EMB: variants seen among roughly 807,000 people sequenced by gnomAD.
The protein encoded by EMB is embigin homolog.
EMB carries 31 observed loss-of-function variants against 41.4 expected under a neutral mutation model. The ratio of observed to expected loss-of-function variants is 0.75; its 90% confidence interval spans 0.56 to 1.01. EMB has a LOEUF of 1.01. Among genes scored for constraint, EMB ranks in the 50% least tolerant of loss-of-function variants. EMB has a pLI of 0.00. For synonymous variants in EMB, 137 were observed against 140.4 expected (o/e 0.98, Z 0.17); for missense variants, 379 against 388.3 (o/e 0.98, Z 0.20).
At chr5:50,438,355 T>C (rs1269165185) in intron 1 of EMB, among the ~76,000 whole-genome samples, 2 of 152,182 alleles carry the variant, frequency 1.3e-5, no homozygotes, top group Admixed American at 6.5e-5. Flanking sequence ...AGAGTGAGAA[T>C]TCCCCAGGAG....
chr5:50,438,052 T>G (rs1745834420), intron 1 of EMB, among the ~76,000 whole-genome samples: 1 of 152,144 alleles, frequency 6.6e-6, no homozygotes, highest in Non-Finnish European at 1.5e-5. Context: ...AATCAGACAT[T>G]TAGATGCATA....
chr5:50,417,404 C>T (rs570182146), intron 2 of EMB, among the ~76,000 whole-genome samples: 99 of 152,282 alleles, frequency 6.5e-4, no homozygotes, highest in Admixed American at 9.8e-4. Context: ...TCCCTTGATT[C>T]TTGTAATTTC....
intron 1 of EMB, among the ~76,000 whole-genome samples, chr5:50,435,720 G>A (rs1368845016): frequency 1.3e-5 from 2 of 152,082 alleles, no homozygotes; most frequent in South Asian, 2.1e-4. Flanking sequence ...AGCATATTCT[G>A]AAGAGTTACT....
At chr5:50,404,280 C>G (rs949292937) in intron 5 of EMB, among the ~76,000 whole-genome samples, 1 of 151,824 alleles carries the variant, frequency 6.6e-6, no homozygotes, top group Non-Finnish European at 1.5e-5. Flanking sequence ...GTATATTATT[C>G]GTGCAAAAAA....
chr5:50,413,630 C>T (rs1483792737), intron 2 of EMB, among the ~76,000 whole-genome samples: 2 of 149,542 alleles, frequency 1.3e-5, no homozygotes, highest in South Asian at 4.2e-4. Flanking sequence ...GGCTGGAGTA[C>T]AATGGTGTCG....
At chr5:50,412,325 T>G (rs1745354576) in intron 2 of EMB, among the ~76,000 whole-genome samples, 1 of 151,744 alleles carries the variant, frequency 6.6e-6, no homozygotes, top group African/African-American at 2.4e-5. Context: ...ACAAATTATT[T>G]TGAGCAGAAG....
intron 2 of EMB, among the ~76,000 whole-genome samples, chr5:50,412,396 A>G (rs17192503): frequency 0.11 from 17,023 of 152,098 alleles, 1,051 homozygotes; most frequent in African/African-American, 0.16. Context: ...AGGAACTCCA[A>G]AAAACCTCCA....
intron 2 of EMB, among the ~76,000 whole-genome samples, chr5:50,413,584 C>CTT (rs796506447): frequency 1.3e-4 from 19 of 142,478 alleles, no homozygotes; most frequent in South Asian, 1.1e-3. Context: ...TTCTTTCTTT[C>CTT]TTTTTTTTTT....
At chr5:50,411,408 T>A (rs1399778219) in intron 2 of EMB, 25 bp from the exon 3 acceptor site, 1 of 1,513,656 alleles carries the variant, frequency 6.6e-7, no homozygotes, top group South Asian at 1.3e-5. Context: ...GAGGACAAAA[T>A]GTGAAAGTTA....
At chr5:50,420,715 C>G (rs949925649) in intron 2 of EMB, among the ~76,000 whole-genome samples, 1 of 152,150 alleles carries the variant, frequency 6.6e-6, no homozygotes, top group Non-Finnish European at 1.5e-5. Context: ...CCACTGTAAA[C>G]GAGGCTTTCA....
rs759631500 is a variant in EMB at position 50,403,392 on chromosome 5, CT to C, written c.662del (p.Lys221SerfsTer2). 7 of 1,612,500 alleles carry C rather than the reference CT, an allele frequency of 4.3e-6. No homozygotes were observed. The Admixed American group carries it at 5.0e-5, about 12-fold the overall frequency. On this transcript the variant is annotated frameshift_variant, in exon 6 of 9. Coordinates refer to ENST00000303221, the MANE Select transcript of EMB (RefSeq NM_198449.3). LOFTEE classifies it high-confidence loss of function. ...VINGTYANETKLKITQLLEED... is the reference protein window; with the variant it reads ...VINGTYANETXLKITQLLEED... ...CCTCCAAAAGTTGTGTTATCTTCAG[CT>C]TTGTTTCGTTAGCATATGTTCCATT...
intron 2 of EMB, among the ~76,000 whole-genome samples, chr5:50,422,092 GT>G (rs1012393011): frequency 1.9e-4 from 29 of 151,938 alleles, no homozygotes; most frequent in Non-Finnish European, 1.5e-4. Flanking sequence ...AAGAAAATCT[GT>G]TTTTTTAAAA....
chr5:50,410,701 C>T (rs1745321791), intron 4 of EMB, among the ~76,000 whole-genome samples, 176 bp downstream of exon 4: 1 of 152,116 alleles, frequency 6.6e-6, no homozygotes, highest in Non-Finnish European at 1.5e-5. Flanking sequence ...AGGAAGTGGA[C>T]TTGGGGGATA....
At chr5:50,403,873 C>A (rs1224126473) in intron 5 of EMB, among the ~76,000 whole-genome samples, 1 of 151,898 alleles carries the variant, frequency 6.6e-6, no homozygotes, top group Admixed American at 6.6e-5. Context: ...TATTTCTGAT[C>A]ATTTCTATAA....
At chr5:50,402,136 G>C in intron 7 of EMB, 150 bp downstream of exon 7, 1 of 741,766 alleles carries the variant, frequency 1.3e-6, no homozygotes, top group Non-Finnish European at 2.3e-6. Context: ...CAGGTAGGCA[G>C]ACTTGGAAAG....
At chr5:50,402,346 G>A (rs13172025) in intron 6 of EMB, 27 bp from the exon 7 acceptor site, 721,630 of 1,573,910 alleles carry the variant, frequency 0.46, 170,997 homozygotes, top group African/African-American at 0.67. Flanking sequence ...GAATTTGACT[G>A]TGAAGTTGGT....
Position 50,441,220 on chromosome 5 carries a change from G to A in EMB, c.-69C>T. ...CAGCTCGCCGCCGCGGGTGTCCAGA[G>A]TCCCTGCGCACACTCGCAGGTGGCC... On this transcript the variant is annotated 5_prime_UTR_variant, in exon 1 of 9. Coordinates refer to ENST00000303221, the MANE Select transcript of EMB (RefSeq NM_198449.3). The A allele has an allele frequency of 1.0e-6, 1 of 989,708 alleles. No homozygotes were observed. Among genetic ancestry groups the A allele is most frequent in the Non-Finnish European group, 1.3e-6 (1 of 745,184 alleles). 61.3% of individuals were successfully genotyped at this position (989,708 alleles called of 1,614,324 possible). A position where few individuals can be genotyped will look rare whatever the true frequency, so the allele number is the denominator to read the frequency against.
intron 1 of EMB, among the ~76,000 whole-genome samples, chr5:50,434,944 C>A (rs1230686328): frequency 6.6e-6 from 1 of 152,044 alleles, no homozygotes; most frequent in Non-Finnish European, 1.5e-5. Context: ...TATGTGAGAC[C>A]AGCTGTACAA....
chr5:50,441,148 G>A lies in EMB; in HGVS notation c.4C>T (p.Arg2Cys). ...GCCTCCAGCAGGCCGGGGAGGGCGC[G>A]CATGGCGCCAGAGGGTCCGCCTGGG... M[R>C]ALPGLLEARA... Residue 2 changes from arginine to cysteine, a missense_variant, in exon 1 of 9, where the codon CGC becomes TGC. Coordinates refer to ENST00000303221, the MANE Select transcript of EMB (RefSeq NM_198449.3). The A allele has an allele frequency of 6.0e-6, 9 of 1,497,392 alleles. No individual in the cohort carries two copies. The highest frequency in any genetic ancestry group is 8.0e-6 in the Non-Finnish European group (9 of 1,126,526). The allele number at this position is 1,497,392 out of a possible 1,614,324, so 92.8% of individuals were successfully genotyped here. A position where few individuals can be genotyped will look rare whatever the true frequency, so the allele number is the denominator to read the frequency against.
Sources: allele counts gnomAD v4.1 joint callset (sites outside exome capture counted in the v4.1 genomes callset), GRCh38; gene constraint gnomAD v4.1.1; transcripts MANE v1.5; gene names NCBI Gene and HGNC (gene_info 2026-07-23, HGNC 2026-07-21).